RYR2: variants seen among roughly 807,000 people sequenced by gnomAD.
The protein encoded by RYR2 is ryanodine receptor 2.
Under a neutral mutation model 601.1 loss-of-function variants are expected in RYR2, and 227 were observed. That is an observed-to-expected ratio of 0.38 (90% CI 0.34 to 0.42). The LOEUF is 0.42. Ranked by LOEUF, RYR2 falls within the 10% of genes least tolerant of loss-of-function variation. The pLI is 1.00. For synonymous variants in RYR2, 2,223 were observed against 2,175.1 expected, an observed-to-expected ratio of 1.02 and a Z score of -0.61; for missense variants, 4,646 against 6,156.5, an observed-to-expected ratio of 0.75 and a Z score of 8.21.
intron 56 of RYR2, 138 bp downstream of exon 56, chr1:237,661,085 CTA>C (rs1161462377): frequency 1.4e-5 from 11 of 812,706 alleles, no homozygotes; most frequent in Non-Finnish European, 1.7e-5. Flanking sequence ...GAGAAAAAAG[CTA>C]TATATATATT....
intron 25 of RYR2, 134 bp downstream of exon 25, chr1:237,530,644 C>T: frequency 1.1e-5 from 8 of 704,972 alleles, no homozygotes; most frequent in Non-Finnish European, 2.0e-5. Flanking sequence ...GGTGCGGTGG[C>T]TCACACCTTA....
intron 4 of RYR2, among the ~76,000 whole-genome samples, chr1:237,363,313 G>A (rs774642332): frequency 7.2e-5 from 11 of 151,972 alleles, no homozygotes; most frequent in Non-Finnish European, 1.6e-4. Context: ...TAACTAAACA[G>A]CCTGTATTTT....
At chr1:237,767,255 A>G (rs976381638) in intron 84 of RYR2, among the ~76,000 whole-genome samples, 2 of 152,200 alleles carry the variant, frequency 1.3e-5, no homozygotes, top group African/African-American at 4.8e-5. Context: ...TAGTATATGT[A>G]ATGATAATCA....
At chr1:237,390,977 G>T (rs377308587) in intron 10 of RYR2, among the ~76,000 whole-genome samples, 2 of 152,096 alleles carry the variant, frequency 1.3e-5, no homozygotes, top group East Asian at 3.8e-4. Context: ...GGGAGAAAAT[G>T]AGTCAGCAGT....
At position 237,780,223 on chromosome 1, in the gene RYR2, A is replaced by G. The variant is rs1694984671; in HGVS notation, c.11881-1342A>G. Among the ~76,000 whole-genome samples, 6 of 152,286 alleles carry G rather than the reference A, an allele frequency of 3.9e-5. No individual in the cohort carries two copies. In the South Asian group the frequency reaches 1.2e-3, roughly 32 times the overall value. The stretch of plus-strand genomic sequence containing the variant: ...ACCTGACTAGAGTTTGGTCAAGGAG[A>G]GAATGTCAGTATGGAGTTATTGGTG... On this transcript the variant is annotated intron_variant, in intron 88 of 104. Coordinates refer to ENST00000366574, the MANE Select transcript of RYR2 (RefSeq NM_001035.3).
chr1:237,637,664 T>C (rs999150104), intron 44 of RYR2, among the ~76,000 whole-genome samples: 2 of 152,260 alleles, frequency 1.3e-5, no homozygotes, highest in Non-Finnish European at 2.9e-5. Context: ...ACAATTTCTC[T>C]TTAAAATATC....
chr1:237,450,423 A>G (rs188589599), intron 14 of RYR2, among the ~76,000 whole-genome samples: 196 of 152,224 alleles, frequency 1.3e-3, no homozygotes, highest in Non-Finnish European at 2.3e-3. Flanking sequence ...AGGCAGCTGT[A>G]GGACTCACCT....
In RYR2 at chr1:237,381,758, T is replaced by C. The variant is rs61487779; in HGVS notation, c.576+4323T>C. On this transcript the variant is annotated intron_variant, in intron 8 of 104. Coordinates refer to ENST00000366574, the MANE Select transcript of RYR2 (RefSeq NM_001035.3). ...CGTTGTCTGCTTTATATGTTGAACA[T>C]TGGGGCTCAATTCTGAGGTATAAAG... is the stretch of plus-strand genomic sequence containing the variant. Among the ~76,000 whole-genome samples the C allele has an allele frequency of 6.5e-3, 994 of 152,260 alleles. 16 individuals are homozygous for C. The highest frequency in any genetic ancestry group is 0.022 in the African/African-American group (896 of 41,546).
chr1:237,494,815 G>C (rs1164777473), intron 19 of RYR2, among the ~76,000 whole-genome samples: 2 of 152,046 alleles, frequency 1.3e-5, no homozygotes, highest in Non-Finnish European at 2.9e-5. Flanking sequence ...TTTTGAGACA[G>C]AGTCTTGCTC....
intron 80 of RYR2, among the ~76,000 whole-genome samples, chr1:237,751,248 C>T (rs1221422908): frequency 6.6e-6 from 1 of 152,176 alleles, no homozygotes; most frequent in Non-Finnish European, 1.5e-5. Flanking sequence ...GTATTCCAGG[C>T]AGTATCCAGT....
intron 27 of RYR2, among the ~76,000 whole-genome samples, chr1:237,556,480 T>TG (rs1670896801): frequency 6.7e-6 from 1 of 150,126 alleles, no homozygotes; most frequent in Admixed American, 6.6e-5. Flanking sequence ...TTTTTTTTTT[T>TG]TTGTATTTTT....
chr1:237,789,398 C>T lies in RYR2; in HGVS notation c.13476+1263C>T, dbSNP rs187304523. On this transcript the variant is annotated intron_variant, in intron 92 of 104. Transcript: ENST00000366574. ...TTTAGTTGTAACTACATTTCCTAAA[C>T]CATCTTGTATTTTCCCTATATTGTT... 3.3e-3 allele frequency among the ~76,000 whole-genome samples: 501 copies of T among 152,278 alleles called. 2 individuals are homozygous for T. The highest frequency in any genetic ancestry group is 0.011 in the African/African-American group (475 of 41,550).
chr1:237,236,810 A>G (rs895287956), intron 1 of RYR2, among the ~76,000 whole-genome samples: 3 of 152,126 alleles, frequency 2.0e-5, no homozygotes, highest in African/African-American at 7.2e-5. Flanking sequence ...ACAATATAAG[A>G]TATTTTTGGT....
In RYR2 at chr1:237,061,296, T is replaced by TATC. The variant is rs1158138180; in HGVS notation, c.48+18728_48+18730dup. Among the ~76,000 whole-genome samples the TATC allele has an allele frequency of 5.5e-5, 8 of 146,360 alleles. No homozygotes were observed. In the South Asian group the frequency reaches 7.3e-4, roughly 13 times the overall value. ...TCTATCATCTATCTATCTATCTATC[T>TATC]ATCTATCTATCTATCTATCTATCTA... On this transcript the variant is annotated intron_variant, in intron 1 of 104. Transcript: ENST00000366574.
At chr1:237,068,032 A>AT (rs36053229) in intron 1 of RYR2, among the ~76,000 whole-genome samples, 11,474 of 122,828 alleles carry the variant, frequency 0.093, 823 homozygotes, top group African/African-American at 0.19. Flanking sequence ...CAGAACTTTG[A>AT]TTTTTTTTTT....
At chr1:237,591,168 CT>C (rs1675145181) in intron 31 of RYR2, among the ~76,000 whole-genome samples, 176 bp downstream of exon 31, 1 of 4,052 alleles carries the variant, frequency 2.5e-4, no homozygotes, top group Admixed American at 3.6e-3. Context: ...CTTCCCCCTT[CT>C]CCTCCTCCCC....
intron 1 of RYR2, among the ~76,000 whole-genome samples, chr1:237,109,502 C>A (rs1006870173): frequency 2.0e-5 from 3 of 152,062 alleles, no homozygotes; most frequent in Admixed American, 6.5e-5. Context: ...TGCTTTCCAT[C>A]CCTAAAACCA....
chr1:237,572,880 A>G (rs1672842921), intron 29 of RYR2, among the ~76,000 whole-genome samples: 1 of 152,116 alleles, frequency 6.6e-6, no homozygotes, highest in African/African-American at 2.4e-5. Flanking sequence ...AATTGACTTT[A>G]TATAGCTTCC....
intron 39 of RYR2, among the ~76,000 whole-genome samples, chr1:237,625,354 G>T (rs1679536090): frequency 6.6e-6 from 1 of 152,054 alleles, no homozygotes; most frequent in South Asian, 2.1e-4. Context: ...GATGCCCAAG[G>T]GTTAGCCCAA....
Sources: allele counts gnomAD v4.1 joint callset (sites outside exome capture counted in the v4.1 genomes callset), GRCh38; gene constraint gnomAD v4.1.1; transcripts MANE v1.5; gene names NCBI Gene and HGNC (gene_info 2026-07-23, HGNC 2026-07-21).